Variants in WWC2 observed in about 807,000 individuals in gnomAD.
WWC2 encodes WW and C2 domain containing 2, also known as protein WWC2.
WWC2 carries 101 observed loss-of-function variants against 138.5 expected under a neutral mutation model. The observed-to-expected ratio is 0.73, with a 90% CI of 0.62 to 0.86. The LOEUF is 0.86. Among genes scored for constraint, WWC2 ranks in the 40% least tolerant of loss-of-function variants. WWC2 has a pLI of 0.00. For missense variants in WWC2, 1,420 were observed against 1,419.4 expected (o/e 1.00, Z -0.01); for synonymous variants, 558 against 538.4 (o/e 1.04, Z -0.50).
intron 1 of WWC2, among the ~76,000 whole-genome samples, chr4:183,122,396 A>G (rs780594768): frequency 6.6e-6 from 1 of 152,230 alleles, no homozygotes; most frequent in African/African-American, 2.4e-5. Context: ...GGGTATCTGT[A>G]TTTCATAGTG....
chr4:183,312,092 C>T (rs528734244), intron 21 of WWC2, among the ~76,000 whole-genome samples: 1 of 152,256 alleles, frequency 6.6e-6, no homozygotes, highest in African/African-American at 2.4e-5. Context: ...AAAATTGTCA[C>T]ATATTGCCTG....
At chr4:183,313,864 T>C (rs1048657417) in intron 22 of WWC2, among the ~76,000 whole-genome samples, 1 of 149,650 alleles carries the variant, frequency 6.7e-6, no homozygotes, top group African/African-American at 2.5e-5. Flanking sequence ...GTGAGCACAC[T>C]AGATGGTTTC....
At chr4:183,281,880 A>G (rs1028708937) in intron 17 of WWC2, among the ~76,000 whole-genome samples, 2 of 152,338 alleles carry the variant, frequency 1.3e-5, no homozygotes, top group South Asian at 2.1e-4. Context: ...TGTTTCACAC[A>G]TATTTCCAAA....
chr4:183,173,170 G>T (rs915384874), intron 1 of WWC2, among the ~76,000 whole-genome samples: 1 of 151,956 alleles, frequency 6.6e-6, no homozygotes, highest in African/African-American at 2.4e-5. Flanking sequence ...TCATCCTCCT[G>T]AGTAGCTGGG....
Position 183,261,008 on chromosome 4 carries a change from A to C in WWC2, c.1385A>C (p.Asn462Thr). 6.2e-7 allele frequency: 1 copy of C among 1,613,796 alleles called. No individual in the cohort carries two copies. Among genetic ancestry groups the C allele is most frequent in the Non-Finnish European group, 8.5e-7 (1 of 1,179,858 alleles). The change falls in exon 11 of 23, where the codon AAC becomes ACC. Residue 462 changes from asparagine (N) to threonine (T), a missense_variant. Physicochemically the swap from Asn to Thr is moderately conservative, Grantham distance 65 (BLOSUM62 0). Coordinates refer to ENST00000403733, the MANE Select transcript of WWC2 (RefSeq NM_024949.6). Reference sequence around the variant, plus strand: ...AACACCTCCAGCAGAGGGTCACTCAACTCCCTCAGTTCCACCGAACTCTAT... The same window carrying C: ...AACACCTCCAGCAGAGGGTCACTCACCTCCCTCAGTTCCACCGAACTCTAT... ...SLNTSSRGSLNSLSSTELYYS... is the reference protein window; with the variant it reads ...SLNTSSRGSLTSLSSTELYYS...
At chr4:183,292,131 G>T (rs1340131715) in intron 21 of WWC2, among the ~76,000 whole-genome samples, 1 of 152,128 alleles carries the variant, frequency 6.6e-6, no homozygotes, top group East Asian at 1.9e-4. Flanking sequence ...AGGAGGTAGA[G>T]GCTGCAGTGA....
At chr4:183,209,885 A>ATT (rs1157000136) in intron 4 of WWC2, among the ~76,000 whole-genome samples, 3 of 152,180 alleles carry the variant, frequency 2.0e-5, no homozygotes. Flanking sequence ...GAACTAGGTT[A>ATT]TTACCGTGAT....
chr4:183,193,571 C>G (rs1735048241), intron 1 of WWC2, 28 bp from the exon 2 acceptor site: 1 of 1,598,646 alleles, frequency 6.3e-7, no homozygotes, highest in Non-Finnish European at 8.6e-7. Context: ...GAAAGAATCA[C>G]TGGTGTGTCA....
chr4:183,174,747 T>C (rs760025881), intron 1 of WWC2, among the ~76,000 whole-genome samples: 1 of 152,132 alleles, frequency 6.6e-6, no homozygotes, highest in Non-Finnish European at 1.5e-5. Context: ...AATTAACTTT[T>C]TGCCAATTTT....
intron 3 of WWC2, 69 bp downstream of exon 3, chr4:183,208,225 C>T: frequency 1.3e-6 from 2 of 1,509,656 alleles, no homozygotes; most frequent in Non-Finnish European, 9.0e-7. Flanking sequence ...AGACCACTTA[C>T]ATTTCTATGG....
intron 1 of WWC2, among the ~76,000 whole-genome samples, chr4:183,153,391 G>A (rs1032748583): frequency 6.6e-6 from 1 of 152,182 alleles, no homozygotes; most frequent in African/African-American, 2.4e-5. Context: ...AAAGGAATGT[G>A]AAGACTGTGT....
At chr4:183,113,038 C>T (rs1198954891) in intron 1 of WWC2, among the ~76,000 whole-genome samples, 2 of 151,878 alleles carry the variant, frequency 1.3e-5, no homozygotes, top group Admixed American at 6.6e-5. Context: ...TTTGGGAGGC[C>T]GAGGCAGGTG....
chr4:183,120,643 A>C (rs1732568226), intron 1 of WWC2, among the ~76,000 whole-genome samples: 1 of 152,248 alleles, frequency 6.6e-6, no homozygotes, highest in African/African-American at 2.4e-5. Context: ...AGCATTTGTT[A>C]AAATCATGAT....
rs139653401 is a variant in WWC2, at chr4:183,282,768, A to G, written c.2745A>G (p.Lys915=). 1.3e-6 allele frequency: 2 copies of G among 1,581,408 alleles called. No individual in the cohort carries two copies. Among genetic ancestry groups the G allele is most frequent in the African/African-American group, 2.7e-5 (2 of 74,360 alleles). Residue 915 remains lysine, a synonymous_variant, in exon 18 of 23, where the codon AAA becomes AAG. Transcript: ENST00000403733. Reference sequence around the variant, plus strand: ...TGGCTGAAAAAGAGGCTGAAGTTAAATTGCCAGAGGACAGTAGCTGTACAG... The same window carrying G: ...TGGCTGAAAAAGAGGCTGAAGTTAAGTTGCCAGAGGACAGTAGCTGTACAG... ...EIVAEKEAEV[K]LPEDSSCTED... is the part of the protein sequence containing the mutation.
At position 183,226,429 on chromosome 4, in the gene WWC2, A is replaced by G. The variant is rs149876445; in HGVS notation, c.523-13754A>G. Among the ~76,000 whole-genome samples the G allele has an allele frequency of 8.5e-3, 1,285 of 150,992 alleles. 41 individuals are homozygous for G. The highest frequency in any genetic ancestry group is 0.03 in the African/African-American group (1,213 of 40,342). ...AAATAGAAATATAGAAATAGAATTAAGTGGTCATAAAAATACATATAAATT... is the reference window on the plus strand; with the variant it reads ...AAATAGAAATATAGAAATAGAATTAGGTGGTCATAAAAATACATATAAATT... On this transcript the variant is annotated intron_variant, in intron 4 of 22. Coordinates refer to ENST00000403733, the MANE Select transcript of WWC2 (RefSeq NM_024949.6).
intron 1 of WWC2, among the ~76,000 whole-genome samples, chr4:183,172,648 C>T (rs1734329841): frequency 6.7e-6 from 1 of 149,118 alleles, no homozygotes; most frequent in South Asian, 2.1e-4. Context: ...TTTTTGCCCT[C>T]ATGTTCTAAA....
At chr4:183,284,806 A>G (rs1239437691) in intron 19 of WWC2, among the ~76,000 whole-genome samples, 2 of 152,232 alleles carry the variant, frequency 1.3e-5, no homozygotes, top group African/African-American at 4.8e-5. Context: ...ATTTTAGATT[A>G]AAAATCCTCT....
At chr4:183,253,614 C>A in intron 8 of WWC2, 143 bp from the exon 9 acceptor site, 2 of 970,512 alleles carry the variant, frequency 2.1e-6, no homozygotes, top group Non-Finnish European at 1.5e-6. Context: ...TCCGGCCTCT[C>A]ACCAGTAGAC....
At chr4:183,264,841 G>A (rs1166207913) in intron 11 of WWC2, 137 bp from the exon 12 acceptor site, 1 of 961,278 alleles carries the variant, frequency 1.0e-6, no homozygotes, top group East Asian at 3.1e-5. Flanking sequence ...TACAGCTGTA[G>A]ATTTGAATAT....
Sources: allele counts gnomAD v4.1 joint callset (sites outside exome capture counted in the v4.1 genomes callset), GRCh38; gene constraint gnomAD v4.1.1; transcripts MANE v1.5; gene names NCBI Gene and HGNC (gene_info 2026-07-23, HGNC 2026-07-21).